CFAP20DC: variants seen among roughly 807,000 people sequenced by gnomAD.
The protein encoded by CFAP20DC is CFAP20 domain containing, also known as protein CFAP20DC.
A neutral mutation model predicts 101.7 loss-of-function variants in CFAP20DC; 84 were observed. The observed-to-expected ratio is 0.83, with a 90% confidence interval of 0.69 to 0.99. The LOEUF is 0.99. Ranked by LOEUF, CFAP20DC falls within the 50% of genes least tolerant of loss-of-function variation. The pLI is 0.00. For missense variants in CFAP20DC, 1,007 were observed against 970.3 expected (o/e 1.04, Z -0.50); for synonymous variants, 359 against 351.2 (o/e 1.02, Z -0.25).
At chr3:58,820,813 C>A (rs1047013066) in intron 14 of CFAP20DC, among the ~76,000 whole-genome samples, 5 of 147,958 alleles carry the variant, frequency 3.4e-5, no homozygotes, top group African/African-American at 1.3e-4. Flanking sequence ...CATATGGAAC[C>A]AAAAAAGAGC....
At chr3:58,974,200 C>G (rs2092132485) in intron 4 of CFAP20DC, among the ~76,000 whole-genome samples, 1 of 152,060 alleles carries the variant, frequency 6.6e-6, no homozygotes, top group Non-Finnish European at 1.5e-5. Flanking sequence ...GATCTTGTCA[C>G]CTAGGTAGTG....
chr3:58,951,339 G>C (rs1339708656), intron 4 of CFAP20DC, among the ~76,000 whole-genome samples: 1 of 152,240 alleles, frequency 6.6e-6, no homozygotes, highest in East Asian at 1.9e-4. Context: ...CATTGTGGAA[G>C]TCAGTATGGC....
Position 58,882,507 on chromosome 3 carries a change from C to T in CFAP20DC, c.715+2038G>A, listed in dbSNP as rs1216694975. Among the ~76,000 whole-genome samples the T allele has an allele frequency of 2.0e-5, 3 of 152,078 alleles. No individual in the cohort carries two copies. The highest frequency in any genetic ancestry group is 2.0e-4 in the Admixed American group (3 of 15,264). ...TTATCTGATATGCTTTATAGTTTAG[C>T]ATTCGTTATTGAAAGTTATCATAGC... On this transcript the variant is annotated intron_variant, in intron 7 of 16. Transcript: ENST00000482387. The surrounding 1 kb of genome is among the most constrained non-coding windows in gnomAD (Gnocchi z 4.2).
At chr3:58,975,805 T>C (rs1311539030) in intron 4 of CFAP20DC, among the ~76,000 whole-genome samples, 2 of 152,198 alleles carry the variant, frequency 1.3e-5, no homozygotes, top group Non-Finnish European at 2.9e-5. Context: ...TTTCCTTTTT[T>C]TTTTAATTGA....
chr3:58,889,291 C>T (rs2081950376), intron 6 of CFAP20DC, among the ~76,000 whole-genome samples: 1 of 152,130 alleles, frequency 6.6e-6, no homozygotes, highest in African/African-American at 2.4e-5. Flanking sequence ...GTATGATTTG[C>T]CTCCGTTCCA....
At chr3:58,820,588 G>T (rs1270871514) in intron 14 of CFAP20DC, among the ~76,000 whole-genome samples, 1 of 152,056 alleles carries the variant, frequency 6.6e-6, no homozygotes. Flanking sequence ...ACTTACAAGG[G>T]ATGTGAAGGA....
chr3:58,836,543 T>A lies in CFAP20DC; in HGVS notation c.1972-4654A>T, dbSNP rs549277779. Among the ~76,000 whole-genome samples the A allele has an allele frequency of 9.2e-5, 14 of 152,048 alleles. No homozygotes were observed. The South Asian group carries it at 2.9e-3, about 32-fold the overall frequency. ...AATGAGACATGGCCATGGGATAAGATCAGACCAAGAATCTCATTCTGTTCT... is the reference window on the plus strand; with the variant it reads ...AATGAGACATGGCCATGGGATAAGAACAGACCAAGAATCTCATTCTGTTCT... On this transcript the variant is annotated intron_variant, in intron 13 of 16. Transcript: ENST00000482387.
At chr3:58,865,452 T>C (rs1443559142) in intron 11 of CFAP20DC, among the ~76,000 whole-genome samples, 2 of 152,180 alleles carry the variant, frequency 1.3e-5, no homozygotes, top group South Asian at 2.1e-4. Flanking sequence ...CTTTCATATA[T>C]TGAGGGACAT....
At chr3:58,817,113 G>C (rs2075246417) in intron 14 of CFAP20DC, among the ~76,000 whole-genome samples, 1 of 151,878 alleles carries the variant, frequency 6.6e-6, no homozygotes, top group African/African-American at 2.4e-5. Context: ...CAAACAGAAA[G>C]GACATCCACA....
At chr3:58,952,575 G>C (rs9870062) in intron 4 of CFAP20DC, among the ~76,000 whole-genome samples, 15,157 of 152,096 alleles carry the variant, frequency 0.1, 2,492 homozygotes, top group African/African-American at 0.34. Context: ...GTGGCTCATA[G>C]ATGCCTATGT....
intron 5 of CFAP20DC, among the ~76,000 whole-genome samples, chr3:58,922,807 GT>G (rs988480259): frequency 6.0e-4 from 89 of 148,782 alleles, no homozygotes; most frequent in African/African-American, 2.0e-3. Flanking sequence ...TCTTTGTTCT[GT>G]TTTTTTTTCA....
At chr3:58,752,041 A>G (rs550802458) in intron 16 of CFAP20DC, among the ~76,000 whole-genome samples, 24 of 152,212 alleles carry the variant, frequency 1.6e-4, no homozygotes, top group African/African-American at 4.8e-4. Context: ...TGAGCCCATA[A>G]TTTTTCTTTG....
chr3:58,952,547 C>T (rs1349897269), intron 4 of CFAP20DC, among the ~76,000 whole-genome samples: 1 of 152,138 alleles, frequency 6.6e-6, no homozygotes, highest in South Asian at 2.1e-4. Context: ...CTTTAATTTT[C>T]TATTAACTAA....
chr3:59,003,067 T>C (rs1321869603), intron 4 of CFAP20DC, among the ~76,000 whole-genome samples: 3 of 152,170 alleles, frequency 2.0e-5, no homozygotes, highest in Non-Finnish European at 2.9e-5. Flanking sequence ...GGGAGAAATA[T>C]ACTGATTAAT....
Position 58,742,615 on chromosome 3 carries a change from G to T in CFAP20DC, c.2333-43C>A, listed in dbSNP as rs376392649. 387 of 1,477,196 alleles carry T rather than the reference G, an allele frequency of 2.6e-4. 6 individuals carry two copies. In the Middle Eastern group the frequency reaches 0.011, roughly 42 times the overall value. 91.5% of individuals were successfully genotyped at this position (1,477,196 alleles called of 1,614,324 possible). A position where few individuals can be genotyped will look rare whatever the true frequency, so the allele number is the denominator to read the frequency against. ...CACAGACACATTAGCTGTTGGCTTG[G>T]CCCGGAATCCCCAAACAAGGGCAAC... On this transcript the variant is annotated intron_variant, in intron 16 of 16. Transcript: ENST00000482387.
intron 7 of CFAP20DC, among the ~76,000 whole-genome samples, chr3:58,879,782 CAGT>C (rs1363577757): frequency 6.6e-6 from 1 of 151,958 alleles, no homozygotes; most frequent in African/African-American, 2.4e-5. Flanking sequence ...CCGAGTTCAC[CAGT>C]AGTGAAAAAG....
intron 15 of CFAP20DC, among the ~76,000 whole-genome samples, chr3:58,772,852 A>C (rs1482702853): frequency 1.3e-5 from 2 of 152,330 alleles, no homozygotes; most frequent in South Asian, 4.1e-4. Context: ...AAATATATGC[A>C]TAACAATGTA....
At chr3:58,763,121 C>T (rs1197642482) in intron 15 of CFAP20DC, among the ~76,000 whole-genome samples, 1 of 152,154 alleles carries the variant, frequency 6.6e-6, no homozygotes, top group South Asian at 2.1e-4. Flanking sequence ...TGGATAATAT[C>T]CTGCAGAGTG....
chr3:59,012,990 G>T (rs114058488), intron 4 of CFAP20DC, among the ~76,000 whole-genome samples: 2 of 152,074 alleles, frequency 1.3e-5, no homozygotes, highest in African/African-American at 2.4e-5. Context: ...TTAAAAGAAC[G>T]CATAATTTCA....
Sources: allele counts gnomAD v4.1 joint callset (sites outside exome capture counted in the v4.1 genomes callset), GRCh38; gene constraint gnomAD v4.1.1; non-coding constraint Gnocchi (gnomAD v3.1); transcripts MANE v1.5; gene names NCBI Gene and HGNC (gene_info 2026-07-23, HGNC 2026-07-21).